The following HSD17B6 variants were observed in gnomAD, a reference collection of about 807,000 sequenced individuals.
HSD17B6 encodes 17-beta-hydroxysteroid dehydrogenase type 6.
HSD17B6 carries 16 observed loss-of-function variants against 26.4 expected under a neutral mutation model. That is an observed-to-expected ratio of 0.61 (90% CI 0.41 to 0.92). The LOEUF (loss-of-function observed/expected upper bound fraction) is 0.92, where lower values mean the gene tolerates loss of function less well. Ranked by LOEUF, HSD17B6 falls within the 40% of genes least tolerant of loss-of-function variation. The pLI, the probability that HSD17B6 is intolerant of heterozygous loss-of-function variation, is 0.00. For synonymous variants in HSD17B6, 139 were observed against 153.0 expected, an observed-to-expected ratio of 0.91 and a Z score of 0.68; for missense variants, 357 against 386.1, an observed-to-expected ratio of 0.92 and a Z score of 0.63.
chr12:56,782,003 A>G lies in HSD17B6; in HGVS notation c.343A>G (p.Ile115Val), dbSNP rs1385018598. ...CTGGGGACTGGTGAACAATGCAGGC[A>G]TTCTTACACCAATTACCTTATGTGA... ...GLWGLVNNAG[I>V]LTPITLCEWL... The change falls in exon 3 of 5, where the codon ATT becomes GTT. Residue 115 changes from isoleucine (I) to valine (V), a missense_variant. Ile to Val is a conservative substitution (Grantham distance 29). Transcript: ENST00000322165. 1.2e-6 allele frequency: 2 copies of G among 1,614,148 alleles called. No homozygotes were observed. The highest frequency in any genetic ancestry group is 2.7e-5 in the African/African-American group (2 of 75,046).
intron 1 of HSD17B6, among the ~76,000 whole-genome samples, chr12:56,767,865 G>T (rs977118319): frequency 1.2e-4 from 17 of 146,910 alleles, no homozygotes; most frequent in Middle Eastern, 3.7e-3. Context: ...GTGTGTATAC[G>T]TGTATATATA....
chr12:56,782,166 T>G lies in HSD17B6; in HGVS notation c.506T>G (p.Val169Gly). Residue 169 changes from valine to glycine, a missense_variant, in exon 3 of 5, where the codon GTT (valine) becomes GGT (glycine). Coordinates refer to ENST00000322165, the MANE Select transcript of HSD17B6 (RefSeq NM_003725.4). ...AATGTCTCCAGCATTCTGGGAAGAGTTGCTTTCTTTGTAGGAGGCTACTGT... is the reference window on the plus strand; with the variant it reads ...AATGTCTCCAGCATTCTGGGAAGAGGTGCTTTCTTTGTAGGAGGCTACTGT... Reference protein sequence around the residue: ...IVNVSSILGRVAFFVGGYCVS... With the variant: ...IVNVSSILGRGAFFVGGYCVS... 6.2e-7 allele frequency: 1 copy of G among 1,614,074 alleles called. No individual in the cohort carries two copies. Among genetic ancestry groups the G allele is most frequent in the Non-Finnish European group, 8.5e-7 (1 of 1,180,008 alleles).
At position 56,774,152 on chromosome 12, in the gene HSD17B6, T is replaced by C; in HGVS notation, c.300T>C (p.His100=). The change falls in exon 2 of 5, where the codon CAT becomes CAC. Residue 100 remains histidine (H), a synonymous_variant. Transcript: ENST00000322165. ...CAGCTACTCAGTGGGTGAAGGAGCA[T>C]GTGGGGGACAGAGGTATGAAATATT... The part of the protein sequence containing the change: ...IAAATQWVKE[H]VGDRGLWGLV... 6.4e-7 allele frequency: 1 copy of C among 1,569,348 alleles called. No homozygotes were observed. The highest frequency in any genetic ancestry group is 8.6e-7 in the Non-Finnish European group (1 of 1,156,118).
chr12:56,765,014 G>A lies in HSD17B6; in HGVS notation c.-20+1600G>A, dbSNP rs546433622. Reference sequence around the variant, plus strand: ...TAATTTTTGTATTTTTAGTAGAGACGAGGTTTCGCTATGTTGGCCAGGCTG... The same window carrying A: ...TAATTTTTGTATTTTTAGTAGAGACAAGGTTTCGCTATGTTGGCCAGGCTG... On this transcript the variant is annotated intron_variant, in intron 1 of 4. Coordinates refer to ENST00000322165, the MANE Select transcript of HSD17B6 (RefSeq NM_003725.4). Among the ~76,000 whole-genome samples, 179 of 152,140 alleles carry A rather than the reference G, an allele frequency of 1.2e-3. 1 individual carries two copies. Among genetic ancestry groups the A allele is most frequent in the African/African-American group, 4.0e-3 (168 of 41,524 alleles).
intron 4 of HSD17B6, chr12:56,785,937 T>G: frequency 8.1e-6 from 8 of 985,214 alleles, no homozygotes; most frequent in Non-Finnish European, 9.6e-6. Flanking sequence ...ATTTGTCAAT[T>G]TCCTATAAGA....
intron 1 of HSD17B6, among the ~76,000 whole-genome samples, chr12:56,765,605 C>T (rs1954308184): frequency 6.6e-6 from 1 of 150,972 alleles, no homozygotes. Flanking sequence ...TAAAGTGATT[C>T]CCACCCCCTC....
At chr12:56,767,189 C>T (rs1954347661) in intron 1 of HSD17B6, among the ~76,000 whole-genome samples, 1 of 152,036 alleles carries the variant, frequency 6.6e-6, no homozygotes, top group Non-Finnish European at 1.5e-5. Flanking sequence ...ATCTGTGCTT[C>T]AGTTTCCTCA....
chr12:56,782,094 C>T lies in HSD17B6; in HGVS notation c.434C>T (p.Thr145Ile). 6.2e-7 allele frequency: 1 copy of T among 1,614,150 alleles called. No homozygotes were observed. The highest frequency in any genetic ancestry group is 8.5e-7 in the Non-Finnish European group (1 of 1,180,046). The change falls in exon 3 of 5, where the codon ACC (threonine) becomes ATC (isoleucine). Residue 145 changes from threonine (T) to isoleucine (I), a missense_variant. Transcript: ENST00000322165. ...KVNLIGVIQVTLSMLPLVRRA... is the reference protein window; with the variant it reads ...KVNLIGVIQVILSMLPLVRRA... ...AACCTCATTGGTGTGATCCAGGTGA[C>T]CTTGAGCATGCTTCCTTTGGTGAGG... is the stretch of plus-strand genomic sequence containing the variant.
At chr12:56,786,351 G>A (rs1372719483) in intron 4 of HSD17B6, among the ~76,000 whole-genome samples, 2 of 150,750 alleles carry the variant, frequency 1.3e-5, no homozygotes, top group African/African-American at 4.9e-5. Context: ...CCGGGTTCAA[G>A]CAATTCTCTT....
intron 1 of HSD17B6, among the ~76,000 whole-genome samples, chr12:56,765,355 GA>G (rs1406337498): frequency 6.6e-6 from 1 of 151,974 alleles, no homozygotes; most frequent in African/African-American, 2.4e-5. Flanking sequence ...AGGATCGCTG[GA>G]ACCTGGGAGG....
chr12:56,772,524 C>G (rs1436529075), intron 1 of HSD17B6, among the ~76,000 whole-genome samples: 1 of 151,746 alleles, frequency 6.6e-6, no homozygotes, highest in African/African-American at 2.4e-5. Context: ...GTAAAAAACT[C>G]TCTCCCTACT....
chr12:56,776,304 C>T (rs1592365983), intron 2 of HSD17B6, among the ~76,000 whole-genome samples: 6 of 114,798 alleles, frequency 5.2e-5, no homozygotes, highest in South Asian at 2.7e-4. Context: ...CATGTCTTGC[C>T]TTTTTTTTTT....
intron 1 of HSD17B6, among the ~76,000 whole-genome samples, chr12:56,771,448 ATTTTTT>A (rs35374137): frequency 2.1e-4 from 20 of 93,334 alleles, no homozygotes; most frequent in African/African-American, 7.7e-4. Context: ...AAGGGTTGCA[ATTTTTT>A]TTTTTTTTTT....
chr12:56,768,517 C>T (rs1565915841), intron 1 of HSD17B6, among the ~76,000 whole-genome samples: 1 of 152,098 alleles, frequency 6.6e-6, no homozygotes, highest in Non-Finnish European at 1.5e-5. Context: ...GAGGTAGCCT[C>T]ACTGGGCCCT....
At chr12:56,780,790 A>G (rs535149985) in intron 2 of HSD17B6, among the ~76,000 whole-genome samples, 1 of 142,578 alleles carries the variant, frequency 7.0e-6, no homozygotes, top group African/African-American at 2.6e-5. Context: ...TGGAGCTTGC[A>G]GTGAGTGGAG....
intron 1 of HSD17B6, 22 bp downstream of exon 1, chr12:56,763,436 G>GT (rs1308458771): frequency 8.3e-6 from 1 of 120,982 alleles, no homozygotes; most frequent in Non-Finnish European, 1.7e-5. Context: ...GGTAAGGGTG[G>GT]TTGTGTGTGT....
chr12:56,774,189 T>C (rs900588758), intron 2 of HSD17B6, 24 bp downstream of exon 2: 2 of 1,525,508 alleles, frequency 1.3e-6, no homozygotes, highest in Non-Finnish European at 1.8e-6. Flanking sequence ...TCTCCTTTTA[T>C]TTACTTAGCA....
chr12:56,779,963 A>T (rs952750718), intron 2 of HSD17B6, among the ~76,000 whole-genome samples: 1 of 152,188 alleles, frequency 6.6e-6, no homozygotes, highest in African/African-American at 2.4e-5. Flanking sequence ...TTCTTGAAAG[A>T]TAATTTTGCA....
chr12:56,773,177 C>A (rs1387666102), intron 1 of HSD17B6, among the ~76,000 whole-genome samples: 2 of 152,168 alleles, frequency 1.3e-5, no homozygotes, highest in Admixed American at 1.3e-4. Flanking sequence ...ATTGGATCTC[C>A]TAATGGATCT....
Sources: allele counts gnomAD v4.1 joint callset (sites outside exome capture counted in the v4.1 genomes callset), GRCh38; gene constraint gnomAD v4.1.1; transcripts MANE v1.5; gene names NCBI Gene and HGNC (gene_info 2026-07-23, HGNC 2026-07-21).